Variants in GLDC observed in about 807,000 individuals in gnomAD.
GLDC encodes the protein glycine decarboxylase.
A neutral mutation model predicts 121.3 loss-of-function variants in GLDC; 104 were observed. The ratio of observed to expected loss-of-function variants is 0.86; its 90% confidence interval spans 0.73 to 1.01. The LOEUF (loss-of-function observed/expected upper bound fraction) is 1.01, where lower values mean the gene tolerates loss of function less well. Ranked by LOEUF, GLDC falls within the 50% of genes least tolerant of loss-of-function variation. The probability of loss-of-function intolerance (pLI) is 0.00; values close to 1 mark genes in which losing one functional copy is unlikely to be tolerated. For synonymous variants in GLDC, 546 were observed against 480.6 expected (o/e 1.14, Z -1.78); for missense variants, 1,429 against 1,306.6 (o/e 1.09, Z -1.44).
chr9:6,537,840 T>A (rs1395609767), intron 22 of GLDC, among the ~76,000 whole-genome samples: 1 of 152,082 alleles, frequency 6.6e-6, no homozygotes, highest in South Asian at 2.1e-4. Context: ...AGCACCCATA[T>A]ACCCACCACC....
chr9:6,540,069 T>A lies in GLDC; in HGVS notation c.2647A>T (p.Lys883Ter). The A allele has an allele frequency of 1.2e-6, 2 of 1,610,592 alleles. No homozygotes were observed. The highest frequency in any genetic ancestry group is 8.5e-7 in the Non-Finnish European group (1 of 1,176,868). ...SANIEAVDVAKRLQDYGFHAP... is the reference protein window; with the variant it reads ...SANIEAVDVA Reference sequence around the variant, plus strand: ...CACTTACCATAATCCTGGAGTCTCTTGGCCACATCCACAGCCTCAATATTT... The same window carrying A: ...CACTTACCATAATCCTGGAGTCTCTAGGCCACATCCACAGCCTCAATATTT... Residue 883 changes from lysine to a stop codon, truncating the protein, a stop_gained, in exon 22 of 25, where the codon AAG (lysine) becomes TAG (stop). Coordinates refer to ENST00000321612, the MANE Select transcript of GLDC (RefSeq NM_000170.3). LOFTEE classifies it high-confidence loss of function.
chr9:6,534,593 T>G (rs1402106232), intron 24 of GLDC, 115 bp downstream of exon 24: 10 of 699,650 alleles, frequency 1.4e-5, no homozygotes, highest in Non-Finnish European at 1.6e-5. Flanking sequence ...GACCCTTATT[T>G]CACAAGGTGC....
chr9:6,610,056 G>T, intron 4 of GLDC, 136 bp downstream of exon 4: 1 of 707,786 alleles, frequency 1.4e-6, no homozygotes, highest in Non-Finnish European at 2.4e-6. Flanking sequence ...TGAACCTGTT[G>T]AGTTTTTCAG....
rs543163916 is a variant in GLDC, at chr9:6,607,023, G to A, written c.636-354C>T. Among the ~76,000 whole-genome samples the A allele has an allele frequency of 7.9e-5, 12 of 151,078 alleles. No homozygotes were observed. The East Asian group carries it at 1.2e-3, about 15-fold the overall frequency. ...GGTTGCAGTGAGCCAAGATTGCACCGCTGCTGCACTCCATCCTGCGTAAGA... is the reference window on the plus strand; with the variant it reads ...GGTTGCAGTGAGCCAAGATTGCACCACTGCTGCACTCCATCCTGCGTAAGA... On this transcript the variant is annotated intron_variant, in intron 4 of 24. Coordinates refer to ENST00000321612, the MANE Select transcript of GLDC (RefSeq NM_000170.3).
chr9:6,644,028 T>TC (rs1819682032), intron 2 of GLDC, among the ~76,000 whole-genome samples: 1 of 5,742 alleles, frequency 1.7e-4, no homozygotes, highest in Non-Finnish European at 2.3e-4. Context: ...AGATTCTGTC[T>TC]CAAAAAAAAA....
intron 4 of GLDC, among the ~76,000 whole-genome samples, chr9:6,609,436 C>T (rs142304542): frequency 0.014 from 2,067 of 152,202 alleles, 22 homozygotes; most frequent in Non-Finnish European, 0.021. Flanking sequence ...CACCCTTGAC[C>T]ACAGTGCCAG....
intron 2 of GLDC, among the ~76,000 whole-genome samples, chr9:6,632,094 G>A (rs576377320): frequency 6.6e-6 from 1 of 152,226 alleles, no homozygotes; most frequent in Non-Finnish European, 1.5e-5. Context: ...GAAATTTGCA[G>A]TCCAACCGAG....
chr9:6,563,098 G>T (rs908158333), intron 16 of GLDC, among the ~76,000 whole-genome samples: 1 of 152,192 alleles, frequency 6.6e-6, no homozygotes, highest in Non-Finnish European at 1.5e-5. Flanking sequence ...GAGAAGGGAA[G>T]GAGGACAGGA....
rs909283201 is a variant in GLDC, at chr9:6,587,124, A to C, written c.1850+17T>G. The C allele has an allele frequency of 1.4e-5, 22 of 1,607,086 alleles. 1 individual carries two copies. In the Admixed American group the frequency reaches 3.5e-4, roughly 26 times the overall value. ...AAGAATAGATTGCTGAAACAATAAG[A>C]AAAGAAATGCCCTTACCTGTTTGGC... On this transcript the variant is annotated intron_variant, in intron 15 of 24. Coordinates refer to ENST00000321612, the MANE Select transcript of GLDC (RefSeq NM_000170.3).
chr9:6,644,392 A>G, intron 2 of GLDC: 2 of 602,898 alleles, frequency 3.3e-6, no homozygotes, highest in East Asian at 2.8e-5. Flanking sequence ...ATAAAGACCA[A>G]GAACCGCACA....
intron 2 of GLDC, among the ~76,000 whole-genome samples, chr9:6,629,937 A>ATATATGTATATATATATATATG (rs1272774357): frequency 1.2e-5 from 1 of 82,010 alleles, no homozygotes; most frequent in Non-Finnish European, 2.0e-5. Context: ...CACTATATAT[A>ATATATGTATATATATATATATG]TATATATGTA....
chr9:6,620,456 C>A, intron 2 of GLDC, 137 bp from the exon 3 acceptor site: 1 of 753,456 alleles, frequency 1.3e-6, no homozygotes, highest in Non-Finnish European at 2.3e-6. Flanking sequence ...TCCATCCAAC[C>A]AACACTAAGT....
At chr9:6,630,262 C>G (rs953706708) in intron 2 of GLDC, among the ~76,000 whole-genome samples, 9 of 151,838 alleles carry the variant, frequency 5.9e-5, no homozygotes, top group African/African-American at 2.2e-4. Context: ...AAGCGAGACT[C>G]TGTCTCAGAA....
intron 3 of GLDC, among the ~76,000 whole-genome samples, chr9:6,610,808 C>A (rs1453048479): frequency 6.6e-6 from 1 of 152,190 alleles, no homozygotes; most frequent in Non-Finnish European, 1.5e-5. Context: ...TCATGTTACC[C>A]AAGCTGGTCT....
chr9:6,591,566 T>C lies in GLDC; in HGVS notation c.1482+577A>G, dbSNP rs78056704. ...CCAAGATACAAATGTCTTGCATCTT[T>C]GTAGTAGAGGCAGTTTCTTTCTTTT... On this transcript the variant is annotated intron_variant, in intron 11 of 24. Transcript: ENST00000321612. Among the ~76,000 whole-genome samples, 1,003 of 152,288 alleles carry C rather than the reference T, an allele frequency of 6.6e-3. 16 individuals are homozygous for C. The highest frequency in any genetic ancestry group is 0.023 in the African/African-American group (963 of 41,558).
chr9:6,570,573 A>C (rs1817939699), intron 15 of GLDC, among the ~76,000 whole-genome samples: 1 of 152,104 alleles, frequency 6.6e-6, no homozygotes, highest in Non-Finnish European at 1.5e-5. Context: ...AAGTTTCTTG[A>C]CCAGGCATGG....
chr9:6,559,516 TAAAAAA>T (rs56198084), intron 16 of GLDC, among the ~76,000 whole-genome samples: 1 of 83,276 alleles, frequency 1.2e-5, no homozygotes, highest in African/African-American at 5.0e-5. Context: ...ACTCCGTATT[TAAAAAA>T]AAAAAAAAAA....
chr9:6,538,865 A>G (rs1817193739), intron 22 of GLDC, among the ~76,000 whole-genome samples: 1 of 152,204 alleles, frequency 6.6e-6, no homozygotes, highest in African/African-American at 2.4e-5. Flanking sequence ...TCAGGTTACA[A>G]GAGTTGCCAA....
intron 20 of GLDC, 108 bp downstream of exon 20, chr9:6,553,260 G>T: frequency 3.0e-6 from 3 of 985,990 alleles, no homozygotes; most frequent in Non-Finnish European, 4.7e-6. Context: ...CCACATCTCA[G>T]ATCATGAATT....
Sources: gnomAD v4.1 joint callset for allele counts (sites outside exome capture counted in the v4.1 genomes callset) on GRCh38, gnomAD v4.1.1 for gene constraint, MANE v1.5 for transcripts, NCBI Gene and HGNC (gene_info 2026-07-23, HGNC 2026-07-21) for gene names.